The following KSR2 variants were observed in gnomAD, a reference collection of about 807,000 sequenced individuals.
KSR2 encodes the protein kinase suppressor of ras 2.
KSR2 carries 25 observed loss-of-function variants against 107.8 expected under a neutral mutation model. The ratio of observed to expected loss-of-function variants is 0.23; its 90% CI spans 0.17 to 0.32. The LOEUF is 0.32. Among genes scored for constraint, KSR2 ranks in the 10% least tolerant of loss-of-function variants. The pLI, the probability that KSR2 is intolerant of heterozygous loss-of-function variation, is 1.00. For missense variants in KSR2, 887 were observed against 1,268.9 expected (o/e 0.70, Z 4.57); for synonymous variants, 480 against 507.0 (o/e 0.95, Z 0.71).
chr12:117,920,115 T>C (rs1043248940), intron 1 of KSR2, among the ~76,000 whole-genome samples: 3 of 152,200 alleles, frequency 2.0e-5, no homozygotes, highest in Non-Finnish European at 2.9e-5. Flanking sequence ...ACAATTTATT[T>C]TGAGACAAGA....
chr12:117,858,378 C>T (rs1236391556), intron 2 of KSR2, among the ~76,000 whole-genome samples: 1 of 152,070 alleles, frequency 6.6e-6, no homozygotes, highest in African/African-American at 2.4e-5. Flanking sequence ...TTGCAAGAAA[C>T]TCATCTGGCC....
intron 7 of KSR2, among the ~76,000 whole-genome samples, chr12:117,573,860 C>T (rs1879070111): frequency 6.6e-6 from 1 of 152,084 alleles, no homozygotes; most frequent in Non-Finnish European, 1.5e-5. Flanking sequence ...GGTCTCATCA[C>T]ACCAATATTT....
chr12:117,937,280 G>A (rs1895875282), intron 1 of KSR2, among the ~76,000 whole-genome samples: 1 of 152,130 alleles, frequency 6.6e-6, no homozygotes, highest in Non-Finnish European at 1.5e-5. Flanking sequence ...CTGCCCTGCT[G>A]TTAATCATAA....
At chr12:117,919,311 T>G (rs1453242231) in intron 1 of KSR2, among the ~76,000 whole-genome samples, 1 of 152,202 alleles carries the variant, frequency 6.6e-6, no homozygotes, top group African/African-American at 2.4e-5. Flanking sequence ...AGATTTCTAC[T>G]CTGGCCCTAA....
At chr12:117,685,561 G>T (rs958751864) in intron 4 of KSR2, among the ~76,000 whole-genome samples, 2 of 152,224 alleles carry the variant, frequency 1.3e-5, no homozygotes, top group African/African-American at 4.8e-5. Context: ...CAGAGAAATG[G>T]CCAGTGCTAG....
chr12:117,714,155 G>A lies in KSR2; in HGVS notation c.987-46497C>T, dbSNP rs182919480. Among the ~76,000 whole-genome samples, 47 of 152,228 alleles carry A rather than the reference G, an allele frequency of 3.1e-4. 1 individual carries two copies. The highest frequency in any genetic ancestry group is 2.0e-3 in the Admixed American group (31 of 15,290). On this transcript the variant is annotated intron_variant, in intron 4 of 19. Coordinates refer to ENST00000339824, the MANE Select transcript of KSR2 (RefSeq NM_173598.6). ...TGTCACTGTTCCAGGAGGATGAGCC[G>A]ATTTAAGGTTCAAATCTTACTGATC... is the stretch of plus-strand genomic sequence containing the variant.
At chr12:117,873,072 C>G (rs531768322) in intron 1 of KSR2, among the ~76,000 whole-genome samples, 1 of 152,214 alleles carries the variant, frequency 6.6e-6, no homozygotes, top group East Asian at 1.9e-4. Flanking sequence ...ATGTGCCCGC[C>G]AGGTACAGTG....
Position 117,966,256 on chromosome 12 carries a change from C to G in KSR2, c.180+1820G>C, listed in dbSNP as rs1267160232. 6.6e-5 allele frequency among the ~76,000 whole-genome samples: 10 copies of G among 152,150 alleles called. 1 individual carries two copies. Among genetic ancestry groups the G allele is most frequent in the African/African-American group, 2.4e-4 (10 of 41,432 alleles). ...AGAAACTTACACAGGAATACACAAACTAGCATTTGGGACTCCTGATTCAGA... is the reference window on the plus strand; with the variant it reads ...AGAAACTTACACAGGAATACACAAAGTAGCATTTGGGACTCCTGATTCAGA... On this transcript the variant is annotated intron_variant, in intron 1 of 19. Transcript: ENST00000339824.
intron 5 of KSR2, among the ~76,000 whole-genome samples, chr12:117,632,351 A>G (rs1260791323): frequency 1.3e-5 from 2 of 150,514 alleles, no homozygotes; most frequent in East Asian, 3.9e-4. Flanking sequence ...CAGCCTCCCA[A>G]GCAGCTGGGA....
At chr12:117,547,662 G>A (rs189245573) in intron 9 of KSR2, among the ~76,000 whole-genome samples, 1 of 152,160 alleles carries the variant, frequency 6.6e-6, no homozygotes, top group African/African-American at 2.4e-5. Flanking sequence ...TTGGGTAAAA[G>A]TTTTCTTGCT....
At chr12:117,917,876 A>G (rs1895229553) in intron 1 of KSR2, among the ~76,000 whole-genome samples, 1 of 152,194 alleles carries the variant, frequency 6.6e-6, no homozygotes, top group African/African-American at 2.4e-5. Flanking sequence ...TTTAGTTACT[A>G]GACTTTGAAA....
chr12:117,862,752 C>A (rs1385195519), intron 1 of KSR2, among the ~76,000 whole-genome samples: 1 of 126,536 alleles, frequency 7.9e-6, no homozygotes. Context: ...TTTTTTGAGA[C>A]GGAGTCTCGC....
intron 5 of KSR2, among the ~76,000 whole-genome samples, chr12:117,628,978 C>G (rs1345873924): frequency 2.6e-5 from 4 of 152,224 alleles, no homozygotes; most frequent in Non-Finnish European, 5.9e-5. Flanking sequence ...TAGCAGTGAG[C>G]AAGGCTCCAT....
At chr12:117,758,518 G>C (rs1398402366) in intron 4 of KSR2, among the ~76,000 whole-genome samples, 3 of 152,092 alleles carry the variant, frequency 2.0e-5, no homozygotes, top group Admixed American at 1.3e-4. Context: ...AGGTGGGCCA[G>C]GGAACTACCA....
chr12:117,556,486 A>G (rs1270208356), intron 8 of KSR2, among the ~76,000 whole-genome samples: 1 of 152,128 alleles, frequency 6.6e-6, no homozygotes, highest in Non-Finnish European at 1.5e-5. Flanking sequence ...AGGGCAAGAG[A>G]AGGGAGCTGA....
chr12:117,655,096 T>C (rs563514451), intron 5 of KSR2, among the ~76,000 whole-genome samples: 176 of 152,320 alleles, frequency 1.2e-3, no homozygotes, highest in African/African-American at 4.1e-3. Flanking sequence ...GTTGATTATA[T>C]TGGACCTCTT....
chr12:117,791,885 C>A (rs1318963547), intron 3 of KSR2, among the ~76,000 whole-genome samples: 2 of 152,240 alleles, frequency 1.3e-5, no homozygotes, highest in East Asian at 1.9e-4. Context: ...CCAGAAACTT[C>A]TCTTCTACTT....
intron 4 of KSR2, among the ~76,000 whole-genome samples, chr12:117,739,307 AGC>A (rs1237927576): frequency 6.6e-6 from 1 of 152,142 alleles, no homozygotes; most frequent in Non-Finnish European, 1.5e-5. Context: ...GTGAGCCGAG[AGC>A]GCGCCACTGC....
At chr12:117,763,408 G>A (rs969014182) in intron 3 of KSR2, among the ~76,000 whole-genome samples, 6 of 152,126 alleles carry the variant, frequency 3.9e-5, no homozygotes, top group Non-Finnish European at 7.4e-5. Flanking sequence ...ATACAAATTT[G>A]GTCTAAAGAC....
Sources: allele counts gnomAD v4.1 joint callset (sites outside exome capture counted in the v4.1 genomes callset), GRCh38; gene constraint gnomAD v4.1.1; transcripts MANE v1.5; gene names NCBI Gene and HGNC (gene_info 2026-07-23, HGNC 2026-07-21).